The following CTNND2 variants were observed in gnomAD, a reference collection of about 807,000 sequenced individuals.
CTNND2 encodes catenin delta-2.
A neutral mutation model predicts 144.4 loss-of-function variants in CTNND2; 22 were observed. The ratio of observed to expected loss-of-function variants is 0.15; its 90% CI spans 0.11 to 0.22. The LOEUF (loss-of-function observed/expected upper bound fraction) is 0.22, where lower values mean the gene tolerates loss of function less well. CTNND2 is among the 10% of genes least tolerant of loss of function. The pLI, the probability that CTNND2 is intolerant of heterozygous loss-of-function variation, is 1.00. For missense variants in CTNND2, 1,353 were observed against 1,618.8 expected, an observed-to-expected ratio of 0.84 and a Z score of 2.82; for synonymous variants, 751 against 695.6, an observed-to-expected ratio of 1.08 and a Z score of -1.25.
chr5:11,456,348 T>C (rs1321828990), intron 3 of CTNND2, among the ~76,000 whole-genome samples: 1 of 151,336 alleles, frequency 6.6e-6, no homozygotes, highest in Non-Finnish European at 1.5e-5. Context: ...AAAGAGGGCA[T>C]AATGGAGACG....
intron 2 of CTNND2, among the ~76,000 whole-genome samples, chr5:11,708,990 T>A (rs1237731615): frequency 6.6e-6 from 1 of 152,166 alleles, no homozygotes; most frequent in Non-Finnish European, 1.5e-5. Context: ...CATGCATCAG[T>A]AGTTATTGGT....
At chr5:11,542,342 G>A (rs1774839302) in intron 3 of CTNND2, among the ~76,000 whole-genome samples, 1 of 152,064 alleles carries the variant, frequency 6.6e-6, no homozygotes, top group Non-Finnish European at 1.5e-5. Context: ...AATCATTCCA[G>A]GTTTTCCTGC....
At chr5:11,164,662 C>T (rs557305087) in intron 11 of CTNND2, among the ~76,000 whole-genome samples, 1 of 152,288 alleles carries the variant, frequency 6.6e-6, no homozygotes, top group East Asian at 1.9e-4. Flanking sequence ...TTGCTGCTGC[C>T]TCATTCTGGA....
chr5:11,246,381 G>C lies in CTNND2; in HGVS notation c.1629-9558C>G, dbSNP rs187015398. ...GATTGGGGTGGCCCCTGAGTCAAAA[G>C]AGAGTGCCCTCATAAGAGACAAAGG... On this transcript the variant is annotated intron_variant, in intron 9 of 21. Coordinates refer to ENST00000304623, the MANE Select transcript of CTNND2 (RefSeq NM_001332.4). Among the ~76,000 whole-genome samples, 662 of 152,168 alleles carry C rather than the reference G, an allele frequency of 4.4e-3. 4 individuals carry two copies. Among genetic ancestry groups the C allele is most frequent in the African/African-American group, 0.015 (633 of 41,512 alleles).
chr5:11,501,718 A>C (rs1770541140), intron 3 of CTNND2, among the ~76,000 whole-genome samples: 1 of 152,106 alleles, frequency 6.6e-6, no homozygotes, highest in East Asian at 1.9e-4. Flanking sequence ...CCTCATAAGA[A>C]GGGGCAGGAG....
intron 9 of CTNND2, among the ~76,000 whole-genome samples, chr5:11,262,977 A>G (rs1180291618): frequency 6.6e-6 from 1 of 152,088 alleles, no homozygotes; most frequent in Non-Finnish European, 1.5e-5. Flanking sequence ...GACATGCTCT[A>G]GAACGAATTT....
Position 11,384,611 on chromosome 5 carries a change from C to T in CTNND2, c.1177+54G>A. ...TCTGCTCAAGCCGGGCTGCTGCTTC[C>T]GCGTCCCCGCCACGCGCCCAGGTGA... On this transcript the variant is annotated intron_variant, in intron 7 of 21. Transcript: ENST00000304623. This position sits in a 1 kb window ranked among gnomAD's most constrained non-coding sequence, Gnocchi z 5.2. 2 of 1,517,804 alleles carry T rather than the reference C, an allele frequency of 1.3e-6. No individual in the cohort carries two copies. The highest frequency in any genetic ancestry group is 1.8e-6 in the Non-Finnish European group (2 of 1,132,154). The allele number at this position is 1,517,804 out of a possible 1,614,324, so 94.0% of individuals were successfully genotyped here.
At chr5:11,611,098 C>G (rs577576539) in intron 2 of CTNND2, among the ~76,000 whole-genome samples, 1 of 152,236 alleles carries the variant, frequency 6.6e-6, no homozygotes, top group Admixed American at 6.5e-5. Flanking sequence ...TCATGCTATT[C>G]TCATGATAGT....
chr5:11,388,958 C>T (rs1581089221), intron 6 of CTNND2, among the ~76,000 whole-genome samples: 1 of 152,206 alleles, frequency 6.6e-6, no homozygotes, highest in Non-Finnish European at 1.5e-5. Context: ...TTACTACATA[C>T]TGCTTCCCTG....
intron 7 of CTNND2, among the ~76,000 whole-genome samples, chr5:11,381,953 A>T (rs10043466): frequency 1.1e-4 from 17 of 151,790 alleles, no homozygotes; most frequent in Middle Eastern, 3.2e-3. Flanking sequence ...GGTGACAGAG[A>T]GAGACTCTGT....
Position 11,128,954 on chromosome 5 carries a change from TA to T in CTNND2, c.2160-11388del, listed in dbSNP as rs1238513805. On this transcript the variant is annotated intron_variant, in intron 12 of 21. Coordinates refer to ENST00000304623, the MANE Select transcript of CTNND2 (RefSeq NM_001332.4). ...AAATATATATATTATATATAATATA[TA>T]AATATATATAATATATAATATATAA... Among the ~76,000 whole-genome samples, 16 of 47,926 alleles carry T rather than the reference TA, an allele frequency of 3.3e-4. 1 individual carries two copies. The highest frequency in any genetic ancestry group is 7.8e-4 in the African/African-American group (12 of 15,348). 31.4% of individuals were successfully genotyped at this position (47,926 alleles called of 152,430 possible).
At chr5:11,099,995 ATGTG>A (rs10584172) in intron 14 of CTNND2, among the ~76,000 whole-genome samples, 2,511 of 152,126 alleles carry the variant, frequency 0.017, 32 homozygotes, top group Non-Finnish European at 0.026. Flanking sequence ...ATGTATATAA[ATGTG>A]TGTGTGTATA....
chr5:11,808,279 T>G (rs1178639658), intron 1 of CTNND2, among the ~76,000 whole-genome samples: 1 of 152,172 alleles, frequency 6.6e-6, no homozygotes, highest in Non-Finnish European at 1.5e-5. Context: ...TCCCACCACC[T>G]GCAGATGACG....
intron 2 of CTNND2, among the ~76,000 whole-genome samples, chr5:11,567,221 G>A (rs770016915): frequency 2.6e-5 from 4 of 151,882 alleles, no homozygotes; most frequent in East Asian, 1.9e-4. Flanking sequence ...GCAGTGGCAC[G>A]ATCTCTGCTC....
chr5:11,626,270 CCAT>C (rs1781148836), intron 2 of CTNND2, among the ~76,000 whole-genome samples: 1 of 152,140 alleles, frequency 6.6e-6, no homozygotes, highest in Non-Finnish European at 1.5e-5. Context: ...GCCTTCGACT[CCAT>C]TTCATTGCAT....
intron 2 of CTNND2, among the ~76,000 whole-genome samples, chr5:11,574,580 G>A (rs565485927): frequency 1.6e-4 from 25 of 151,936 alleles, no homozygotes; most frequent in African/African-American, 4.6e-4. Flanking sequence ...AGTTTTCCTC[G>A]CCTGCCTGGA....
chr5:11,290,561 A>G (rs919065365), intron 9 of CTNND2, among the ~76,000 whole-genome samples: 1 of 152,192 alleles, frequency 6.6e-6, no homozygotes, highest in African/African-American at 2.4e-5. Flanking sequence ...AACACCCATC[A>G]TTTCATGGAA....
At chr5:11,055,440 C>A (rs1449233799) in intron 16 of CTNND2, among the ~76,000 whole-genome samples, 1 of 152,110 alleles carries the variant, frequency 6.6e-6, no homozygotes, top group Admixed American at 6.5e-5. Context: ...CATTTATTTC[C>A]CCTCGAAGCC....
intron 11 of CTNND2, among the ~76,000 whole-genome samples, chr5:11,174,814 A>G (rs928450794): frequency 6.6e-6 from 1 of 152,236 alleles, no homozygotes; most frequent in African/African-American, 2.4e-5. Flanking sequence ...AGCCTCTATT[A>G]TGATTGGAAT....
Sources: allele counts gnomAD v4.1 joint callset (sites outside exome capture counted in the v4.1 genomes callset), GRCh38; gene constraint gnomAD v4.1.1; non-coding constraint Gnocchi (gnomAD v3.1); transcripts MANE v1.5; gene names NCBI Gene and HGNC (gene_info 2026-07-23, HGNC 2026-07-21).